Variants in AUTS2 observed in about 807,000 individuals in gnomAD.
The protein encoded by AUTS2 is activator of transcription and developmental regulator AUTS2, also known as autism susceptibility gene 2 protein.
Under a neutral mutation model 112.4 loss-of-function variants are expected in AUTS2, and 17 were observed. The ratio of observed to expected loss-of-function variants is 0.15; its 90% confidence interval spans 0.10 to 0.23. AUTS2 has a LOEUF of 0.23. Among genes scored for constraint, AUTS2 ranks in the 10% least tolerant of loss-of-function variants. The pLI is 1.00. For missense variants in AUTS2, 1,510 were observed against 1,701.6 expected, an observed-to-expected ratio of 0.89 and a Z score of 1.98; for synonymous variants, 751 against 702.7, an observed-to-expected ratio of 1.07 and a Z score of -1.09.
At chr7:69,951,942 T>C (rs897934052) in intron 2 of AUTS2, among the ~76,000 whole-genome samples, 21 of 152,316 alleles carry the variant, frequency 1.4e-4, no homozygotes, top group African/African-American at 4.8e-4. Context: ...TTCAGTTTTA[T>C]TTAGAAAGAA....
chr7:70,714,159 A>G (rs1221869286), intron 6 of AUTS2, among the ~76,000 whole-genome samples: 1 of 152,210 alleles, frequency 6.6e-6, no homozygotes, highest in African/African-American at 2.4e-5. Flanking sequence ...ATGAAAGTGA[A>G]TTCAATTTTA....
At chr7:70,671,086 T>G (rs1480808228) in intron 5 of AUTS2, among the ~76,000 whole-genome samples, 1 of 152,144 alleles carries the variant, frequency 6.6e-6, no homozygotes, top group Non-Finnish European at 1.5e-5. Context: ...GCAGGATAAT[T>G]GCTTGAACCT....
intron 5 of AUTS2, among the ~76,000 whole-genome samples, chr7:70,697,568 C>CCCCG (rs1554464436): frequency 7.0e-6 from 1 of 142,682 alleles, no homozygotes; most frequent in South Asian, 2.6e-4. Context: ...ATTCCCCCCC[C>CCCCG]CCATTTCCTA....
chr7:70,287,128 T>C (rs989463958), intron 4 of AUTS2, among the ~76,000 whole-genome samples: 2 of 152,252 alleles, frequency 1.3e-5, no homozygotes, highest in African/African-American at 4.8e-5. Context: ...CTACATGTTG[T>C]TGTTCTTCTG....
At chr7:70,242,264 C>G (rs921418617) in intron 4 of AUTS2, among the ~76,000 whole-genome samples, 3 of 152,116 alleles carry the variant, frequency 2.0e-5, no homozygotes, top group African/African-American at 7.2e-5. Flanking sequence ...GGATTCATCC[C>G]AAACCCCCAA....
chr7:70,315,891 A>G (rs138525510), intron 4 of AUTS2, among the ~76,000 whole-genome samples: 7 of 152,104 alleles, frequency 4.6e-5, no homozygotes, highest in Admixed American at 6.5e-5. Context: ...TCTCTATTCT[A>G]TTGTAAGCAT....
chr7:70,267,606 G>A (rs6975814), intron 4 of AUTS2, among the ~76,000 whole-genome samples: 34,130 of 152,022 alleles, frequency 0.22, 3,851 homozygotes, highest in Middle Eastern at 0.32. Flanking sequence ...TGTGACAATG[G>A]GAGAGATAAG....
chr7:70,203,332 C>A (rs1387181257), intron 4 of AUTS2, among the ~76,000 whole-genome samples: 1 of 63,482 alleles, frequency 1.6e-5, no homozygotes, highest in African/African-American at 6.8e-5. Context: ...TACCCTAAAA[C>A]TTAGAGTATA....
At chr7:70,182,553 A>G (rs1315425080) in intron 4 of AUTS2, among the ~76,000 whole-genome samples, 1 of 152,182 alleles carries the variant, frequency 6.6e-6, no homozygotes, top group African/African-American at 2.4e-5. Flanking sequence ...AACTGAATGG[A>G]TCATTTGGTT....
At chr7:70,706,054 C>T (rs1304052373) in intron 6 of AUTS2, among the ~76,000 whole-genome samples, 1 of 152,202 alleles carries the variant, frequency 6.6e-6, no homozygotes, top group Non-Finnish European at 1.5e-5. Context: ...ACCACGACCC[C>T]AGTACATGCT....
chr7:70,038,835 G>A (rs953292177), intron 2 of AUTS2, among the ~76,000 whole-genome samples: 6 of 151,978 alleles, frequency 3.9e-5, no homozygotes, highest in African/African-American at 9.7e-5. Flanking sequence ...CTCAGCTCAC[G>A]GTAACCTCTG....
At chr7:69,653,360 G>A (rs1795376700) in intron 1 of AUTS2, among the ~76,000 whole-genome samples, 1 of 152,168 alleles carries the variant, frequency 6.6e-6, no homozygotes, top group African/African-American at 2.4e-5. Flanking sequence ...ATTGATTAAT[G>A]GTTTTGATTT....
chr7:69,615,931 G>T (rs568461021), intron 1 of AUTS2, among the ~76,000 whole-genome samples: 3 of 152,348 alleles, frequency 2.0e-5, no homozygotes, highest in East Asian at 3.9e-4. Context: ...TTAGATTACA[G>T]TGTTAGAGGA....
chr7:70,333,782 G>A (rs1003694989), intron 4 of AUTS2, among the ~76,000 whole-genome samples: 1 of 152,070 alleles, frequency 6.6e-6, no homozygotes, highest in Non-Finnish European at 1.5e-5. Context: ...ACAGGGAGGG[G>A]AACATCACAC....
intron 1 of AUTS2, among the ~76,000 whole-genome samples, chr7:69,682,429 C>T (rs1018529077): frequency 4.6e-5 from 7 of 152,116 alleles, no homozygotes; most frequent in African/African-American, 1.7e-4. Context: ...GACCTCTTTG[C>T]CCATTTATAA....
intron 5 of AUTS2, among the ~76,000 whole-genome samples, chr7:70,639,495 G>A (rs1409610723): frequency 1.3e-5 from 2 of 150,916 alleles, no homozygotes; most frequent in Middle Eastern, 3.4e-3. Flanking sequence ...GCGTGCCTGT[G>A]GTCTCAGCTA....
chr7:70,665,451 C>CTATTTATTTATTTATT (rs140760249), intron 5 of AUTS2, among the ~76,000 whole-genome samples: 5,815 of 147,034 alleles, frequency 0.04, 223 homozygotes, highest in African/African-American at 0.087. Context: ...ATCTATTTAT[C>CTATTTATTTATTTATT]TATTTATTTA....
intron 4 of AUTS2, among the ~76,000 whole-genome samples, chr7:70,424,619 C>T (rs1795356062): frequency 6.6e-6 from 1 of 152,106 alleles, no homozygotes; most frequent in Admixed American, 6.5e-5. Context: ...CAGGGTCTCT[C>T]TCTGTCACCC....
At chr7:69,905,368 A>G (rs1293957818) in intron 2 of AUTS2, among the ~76,000 whole-genome samples, 1 of 152,162 alleles carries the variant, frequency 6.6e-6, no homozygotes, top group Non-Finnish European at 1.5e-5. Context: ...GAGGGGATTC[A>G]TTCGGGGAAT....
Sources: gnomAD v4.1 joint callset for allele counts (sites outside exome capture counted in the v4.1 genomes callset) on GRCh38, gnomAD v4.1.1 for gene constraint, MANE v1.5 for transcripts, NCBI Gene and HGNC (gene_info 2026-07-23, HGNC 2026-07-21) for gene names.